The following SH3BGRL2 variants were observed in gnomAD, a reference collection of about 807,000 sequenced individuals.
SH3BGRL2 encodes the protein SH3 domain binding glutamate rich protein like 2.
A neutral mutation model predicts 14.8 loss-of-function variants in SH3BGRL2; 21 were observed. The observed-to-expected ratio is 1.42, with a 90% confidence interval of 1.01 to 2.05. The LOEUF is 2.05. SH3BGRL2 is among the 30% of genes most tolerant of loss of function. The pLI, the probability that SH3BGRL2 is intolerant of heterozygous loss-of-function variation, is 0.00. For synonymous variants in SH3BGRL2, 50 were observed against 47.8 expected, an observed-to-expected ratio of 1.05 and a Z score of -0.19; for missense variants, 147 against 130.8, an observed-to-expected ratio of 1.12 and a Z score of -0.61.
the SH3BGRL2 span, among the ~76,000 whole-genome samples, chr6:79,594,078 GATAAA>G: frequency 1.3e-5 from 2 of 150,592 alleles, no homozygotes; most frequent in East Asian, 3.9e-4. Context: ...AAATGCAGAT[GATAAA>G]ATAATGTTTA....
At chr6:79,561,423 C>A in the SH3BGRL2 span, 1 of 152,026 alleles carries the variant, frequency 6.6e-6, no homozygotes, top group African/African-American at 2.4e-5. Context: ...TGGTTGTAAT[C>A]ATCAATTGAC....
the SH3BGRL2 span, among the ~76,000 whole-genome samples, chr6:79,572,909 A>G: frequency 7.2e-5 from 11 of 152,182 alleles, no homozygotes; most frequent in South Asian, 4.1e-4. Flanking sequence ...TTTGTTGCCA[A>G]TATGCATTGC....
At chr6:79,608,077 G>A in the SH3BGRL2 span, among the ~76,000 whole-genome samples, 1 of 152,178 alleles carries the variant, frequency 6.6e-6, no homozygotes, top group Admixed American at 6.5e-5. Context: ...CGTCTTACAT[G>A]GCAGGAACAG....
chr6:79,602,375 A>G, the SH3BGRL2 span, among the ~76,000 whole-genome samples: 1 of 152,162 alleles, frequency 6.6e-6, no homozygotes, highest in African/African-American at 2.4e-5. Flanking sequence ...TCTAAAAACA[A>G]GAGATAAAAT....
At position 79,648,255 on chromosome 6, in the gene SH3BGRL2, C is replaced by CAT. The variant is rs60702112; in HGVS notation, c.45+16776_45+16777dup. On this transcript the variant is annotated intron_variant, in intron 1 of 3. Coordinates refer to ENST00000369838, the MANE Select transcript of SH3BGRL2 (RefSeq NM_031469.4). ...ACATTTTCTCTCTCTATTCTTTTGG[C>CAT]ATATATATATATATATATATATATA... Among the ~76,000 whole-genome samples the CAT allele has an allele frequency of 4.7e-3, 292 of 62,452 alleles. 5 individuals carry two copies. The highest frequency in any genetic ancestry group is 0.02 in the South Asian group (26 of 1,306). 41.0% of individuals were successfully genotyped at this position (62,452 alleles called of 152,430 possible). A position where few individuals can be genotyped will look rare whatever the true frequency, so the allele number is the denominator to read the frequency against.
At chr6:79,680,934 A>T (rs1200252142) in intron 2 of SH3BGRL2, among the ~76,000 whole-genome samples, 1 of 152,116 alleles carries the variant, frequency 6.6e-6, no homozygotes, top group African/African-American at 2.4e-5. Flanking sequence ...AACTTTGCTA[A>T]ATTTGTTTAT....
At chr6:79,612,134 A>G in the SH3BGRL2 span, among the ~76,000 whole-genome samples, 1 of 152,056 alleles carries the variant, frequency 6.6e-6, no homozygotes, top group African/African-American at 2.4e-5. Context: ...TGTCTCTAGT[A>G]AAAATACAAA....
At chr6:79,539,737 A>G in the SH3BGRL2 span, among the ~76,000 whole-genome samples, 1 of 152,224 alleles carries the variant, frequency 6.6e-6, no homozygotes, top group Non-Finnish European at 1.5e-5. Flanking sequence ...GTTGGTTAGA[A>G]GTTTCAAAAA....
chr6:79,650,850 C>T (rs1349276369), intron 1 of SH3BGRL2, among the ~76,000 whole-genome samples: 1 of 150,440 alleles, frequency 6.6e-6, no homozygotes, highest in Non-Finnish European at 1.5e-5. Flanking sequence ...CAATTTATGC[C>T]TACTATGGAA....
the SH3BGRL2 span, among the ~76,000 whole-genome samples, chr6:79,569,294 A>C: frequency 2.6e-5 from 4 of 152,192 alleles, no homozygotes; most frequent in African/African-American, 9.6e-5. Flanking sequence ...GTTGTGGAGA[A>C]CAAGGTTCTT....
chr6:79,635,248 T>C, intron 1 of SH3BGRL2, among the ~76,000 whole-genome samples: 1 of 152,236 alleles, frequency 6.6e-6, no homozygotes, highest in East Asian at 1.9e-4. Context: ...CTGTTAGAGT[T>C]GGACGGAAAC....
At chr6:79,627,771 C>G (rs1368743365), upstream of SH3BGRL2, among the ~76,000 whole-genome samples, 1 of 152,098 alleles carries the variant, frequency 6.6e-6, no homozygotes, top group Non-Finnish European at 1.5e-5. Context: ...TCCTTCTTGT[C>G]TCTTTCCATG....
chr6:79,661,666 G>T (rs554876292), intron 1 of SH3BGRL2, among the ~76,000 whole-genome samples: 10 of 152,306 alleles, frequency 6.6e-5, no homozygotes, highest in Admixed American at 6.5e-4. Flanking sequence ...GCAGAGCTGA[G>T]TTCAAGTCCT....
chr6:79,670,501 A>G (rs1229340800), intron 1 of SH3BGRL2, among the ~76,000 whole-genome samples: 1 of 152,208 alleles, frequency 6.6e-6, no homozygotes, highest in Non-Finnish European at 1.5e-5. Context: ...TATTAAGTTT[A>G]TGTCTTACAG....
the SH3BGRL2 span, among the ~76,000 whole-genome samples, chr6:79,573,672 A>G: frequency 6.6e-6 from 1 of 151,976 alleles, no homozygotes; most frequent in South Asian, 2.1e-4. Flanking sequence ...AGGCTTATAA[A>G]TTTTTCTTAA....
At chr6:79,694,940 T>A (rs540419611) in intron 2 of SH3BGRL2, among the ~76,000 whole-genome samples, 1 of 152,308 alleles carries the variant, frequency 6.6e-6, no homozygotes, top group Admixed American at 6.5e-5. Context: ...TATTTAGGTA[T>A]TTTCTTAAAA....
intron 1 of SH3BGRL2, among the ~76,000 whole-genome samples, chr6:79,664,940 G>A (rs1161101665): frequency 2.0e-5 from 3 of 152,154 alleles, no homozygotes; most frequent in Non-Finnish European, 2.9e-5. Flanking sequence ...GGTGGCTCAC[G>A]TCTGTAATCC....
At chr6:79,630,875 G>A (rs972415812), upstream of SH3BGRL2, among the ~76,000 whole-genome samples, 7 of 152,104 alleles carry the variant, frequency 4.6e-5, no homozygotes, top group African/African-American at 1.7e-4. Flanking sequence ...CACCTCCCAA[G>A]CACCCGGCTC....
chr6:79,623,347 A>G, the SH3BGRL2 span, among the ~76,000 whole-genome samples: 2 of 151,980 alleles, frequency 1.3e-5, no homozygotes, highest in Non-Finnish European at 2.9e-5. Flanking sequence ...GGCAATTAAC[A>G]TGGGAAAGAC....
Sources: gnomAD v4.1 joint callset for allele counts (sites outside exome capture counted in the v4.1 genomes callset) on GRCh38, gnomAD v4.1.1 for gene constraint, MANE v1.5 for transcripts, NCBI Gene and HGNC (gene_info 2026-07-23, HGNC 2026-07-21) for gene names.